TTC12: variants seen among roughly 807,000 people sequenced by gnomAD.
TTC12 encodes tetratricopeptide repeat domain 12, also known as tetratricopeptide repeat protein 12.
A neutral mutation model predicts 90.1 loss-of-function variants in TTC12; 70 were observed. That is an observed-to-expected ratio of 0.78 (90% CI 0.64 to 0.95). TTC12 has a LOEUF of 0.95. Ranked by LOEUF, TTC12 falls within the 40% of genes least tolerant of loss-of-function variation. The pLI, the probability that TTC12 is intolerant of heterozygous loss-of-function variation, is 0.00. For missense variants in TTC12, 819 were observed against 846.1 expected, an observed-to-expected ratio of 0.97 and a Z score of 0.40; for synonymous variants, 296 against 311.5, an observed-to-expected ratio of 0.95 and a Z score of 0.53.
chr11:113,330,953 T>C (rs536418810), intron 7 of TTC12, among the ~76,000 whole-genome samples: 39 of 152,296 alleles, frequency 2.6e-4, no homozygotes, highest in African/African-American at 8.7e-4. Flanking sequence ...ACACCTACCC[T>C]AGCCTAATGA....
At chr11:113,356,726 T>A (rs1469314325) in intron 16 of TTC12, among the ~76,000 whole-genome samples, 1 of 152,226 alleles carries the variant, frequency 6.6e-6, no homozygotes, top group African/African-American at 2.4e-5. Flanking sequence ...TTGGAATTTA[T>A]TTTCTATAAT....
intron 19 of TTC12, among the ~76,000 whole-genome samples, chr11:113,363,261 A>G (rs1289672056): frequency 6.6e-6 from 1 of 152,258 alleles, no homozygotes; most frequent in Non-Finnish European, 1.5e-5. Flanking sequence ...GTCATTCATT[A>G]TAACTTTTGC....
chr11:113,341,687 T>C, intron 11 of TTC12, 150 bp from the exon 12 acceptor site: 1 of 659,026 alleles, frequency 1.5e-6, no homozygotes, highest in East Asian at 2.8e-5. Context: ...GGTTCCGTGA[T>C]TGATCCTGGT....
chr11:113,370,114 G>T (rs1021103887), downstream of TTC12, among the ~76,000 whole-genome samples: 4 of 152,232 alleles, frequency 2.6e-5, no homozygotes, highest in Admixed American at 2.0e-4. Context: ...CAGGGATAGG[G>T]TAGCAGCGCT....
Position 113,352,049 on chromosome 11 carries a change from C to G in TTC12, c.1309-21C>G, listed in dbSNP as rs782646425. ...CTTTGCCTGCTCTCTGAGGCTCTGC[C>G]TTCTCTCAATTCTCATTTAGAAGAC... On this transcript the variant is annotated intron_variant, in intron 15 of 21. Coordinates refer to ENST00000529221, the MANE Select transcript of TTC12 (RefSeq NM_017868.4). 149 of 1,611,636 alleles carry G rather than the reference C, an allele frequency of 9.2e-5. 2 individuals carry two copies. In the South Asian group the frequency reaches 1.5e-3, roughly 17 times the overall value.
intron 1 of TTC12, among the ~76,000 whole-genome samples, chr11:113,315,374 G>A (rs1271292548): frequency 4.6e-5 from 7 of 152,162 alleles, no homozygotes. Context: ...TGGAGATGAG[G>A]ACACTGAGAC....
chr11:113,331,708 G>C (rs4936269), intron 7 of TTC12, among the ~76,000 whole-genome samples: 123,190 of 152,200 alleles, frequency 0.81, 49,920 homozygotes, highest in East Asian at 0.92. Context: ...CAGGATAACA[G>C]GCTGGCCTGT....
chr11:113,323,979 A>G lies in TTC12; in HGVS notation c.223-15A>G, dbSNP rs1555139854. 23 of 1,607,160 alleles carry G rather than the reference A, an allele frequency of 1.4e-5. No individual in the cohort carries two copies. Among genetic ancestry groups the G allele is most frequent in the Non-Finnish European group, 1.9e-5 (22 of 1,176,208 alleles). On this transcript the variant is annotated splice_polypyrimidine_tract_variant and intron_variant, in intron 3 of 21. Coordinates refer to ENST00000529221, the MANE Select transcript of TTC12 (RefSeq NM_017868.4). ...AAATTTGTTTCTTTGTTTTTATGGT[A>G]ACCTACGTCTACAGAGTGCAGAAGA... is the stretch of plus-strand genomic sequence containing the variant.
intron 16 of TTC12, among the ~76,000 whole-genome samples, chr11:113,357,316 G>A (rs1052750468): frequency 5.3e-5 from 8 of 152,036 alleles, no homozygotes; most frequent in African/African-American, 7.2e-5. Context: ...CATTTTCTCT[G>A]TCAGCTCCTT....
chr11:113,364,119 G>C (rs1028600590), intron 20 of TTC12, among the ~76,000 whole-genome samples, 192 bp downstream of exon 20: 2 of 152,224 alleles, frequency 1.3e-5, no homozygotes, highest in South Asian at 4.1e-4. Flanking sequence ...ATGCACACAG[G>C]TAGAATGCCC....
chr11:113,344,125 G>C (rs1343989575), intron 12 of TTC12, 147 bp from the exon 13 acceptor site: 8 of 916,684 alleles, frequency 8.7e-6, no homozygotes, highest in Non-Finnish European at 1.3e-5. Flanking sequence ...CCAGCAGTCT[G>C]GTTCTAGAAT....
chr11:113,359,445 C>T lies in TTC12; in HGVS notation c.1529C>T (p.Ala510Val), dbSNP rs782689610. The T allele has an allele frequency of 1.2e-5, 20 of 1,612,074 alleles. No individual in the cohort carries two copies. The highest frequency in any genetic ancestry group is 2.7e-5 in the African/African-American group (2 of 74,886). Residue 510 changes from alanine to valine, a missense_variant, in exon 17 of 22, where the codon GCT becomes GTT. Physicochemically the swap from Ala to Val is moderately conservative, Grantham distance 64 (BLOSUM62 0). Coordinates refer to ENST00000529221, the MANE Select transcript of TTC12 (RefSeq NM_017868.4). ...LGLMMNLCLQ[A>V]PFVSEVWAVE... is the part of the protein sequence containing the mutation. The stretch of plus-strand genomic sequence containing the variant: ...CTCATGATGAACCTGTGTCTTCAGG[C>T]TCCCTTTGTCTCTGAGGTATGGCAT...
intron 10 of TTC12, among the ~76,000 whole-genome samples, chr11:113,340,351 G>T (rs1468514566): frequency 6.6e-6 from 1 of 152,226 alleles, no homozygotes; most frequent in Non-Finnish European, 1.5e-5. Context: ...CTTCCCATAG[G>T]TTAAGCAGCT....
chr11:113,323,230 G>C, intron 2 of TTC12, 58 bp from the exon 3 acceptor site: 1 of 1,345,308 alleles, frequency 7.4e-7, no homozygotes, highest in East Asian at 2.6e-5. Context: ...ATCCTTTCTA[G>C]TGAATAGAGT....
At chr11:113,364,060 CAGA>C (rs1241165675) in intron 20 of TTC12, 133 bp downstream of exon 20, 7 of 617,570 alleles carry the variant, frequency 1.1e-5, no homozygotes, top group Non-Finnish European at 2.0e-5. Context: ...GCAATGTTTA[CAGA>C]AGATGTTTCA....
chr11:113,317,316 C>A (rs781994315), intron 2 of TTC12, among the ~76,000 whole-genome samples: 52 of 152,140 alleles, frequency 3.4e-4, no homozygotes, highest in Admixed American at 1.3e-4. Flanking sequence ...TTTGCCCTCC[C>A]CCTCCCAAAT....
intron 16 of TTC12, among the ~76,000 whole-genome samples, chr11:113,354,810 C>A (rs1168393197): frequency 4.6e-5 from 7 of 152,126 alleles, no homozygotes; most frequent in African/African-American, 1.7e-4. Flanking sequence ...AGATAGTCTA[C>A]ATCATTGTGA....
chr11:113,370,787 G>C (rs1950360930), downstream of TTC12, among the ~76,000 whole-genome samples: 1 of 152,234 alleles, frequency 6.6e-6, no homozygotes, highest in Non-Finnish European at 1.5e-5. Context: ...CAGCGGGTTG[G>C]AAGGAACTGC....
chr11:113,329,332 A>G (rs1464443494), intron 6 of TTC12, among the ~76,000 whole-genome samples: 4 of 152,198 alleles, frequency 2.6e-5, no homozygotes, highest in Non-Finnish European at 5.9e-5. Context: ...GGTAGACTCC[A>G]GAATCCAGCT....
Sources: allele counts gnomAD v4.1 joint callset (sites outside exome capture counted in the v4.1 genomes callset), GRCh38; gene constraint gnomAD v4.1.1; transcripts MANE v1.5; gene names NCBI Gene and HGNC (gene_info 2026-07-23, HGNC 2026-07-21).